The following MUC5AC variants were observed in gnomAD, a reference collection of about 807,000 sequenced individuals.
MUC5AC encodes the protein mucin 5AC, oligomeric mucus/gel-forming.
Under a neutral mutation model 169.7 loss-of-function variants are expected in MUC5AC, and 158 were observed. That is an observed-to-expected ratio of 0.93 (90% CI 0.82 to 1.06). MUC5AC has a LOEUF of 1.06. Among genes scored for constraint, MUC5AC ranks in the 50% least tolerant of loss-of-function variants. MUC5AC has a pLI of 0.00. For missense variants in MUC5AC, 4,359 were observed against 3,089.9 expected (o/e 1.41, Z -9.74); for synonymous variants, 1,975 against 1,237.0 (o/e 1.60, Z -12.52).
Position 1,176,193 on chromosome 11 carries a change from C to A in MUC5AC, c.2444C>A (p.Thr815Lys). 7.5e-6 allele frequency: 3 copies of A among 398,700 alleles called. No individual in the cohort carries two copies. Among genetic ancestry groups the A allele is most frequent in the Admixed American group, 4.4e-5 (1 of 22,740 alleles). 24.7% of individuals were successfully genotyped at this position (398,700 alleles called of 1,614,324 possible). The change falls in exon 20 of 49, where the codon ACG becomes AAG. Residue 815 changes from threonine (T) to lysine (K), a missense_variant. Transcript: ENST00000621226. ...GTGTTCTTTGACTGCCGAAATGCCA[C>A]GCCCGGGGACACAGGGGCTGGCTGT... ...PMVFFDCRNA[T>K]PGDTGAGCQK...
intron 33 of MUC5AC, 45 bp downstream of exon 33, chr11:1,193,704 C>T: frequency 2.7e-6 from 2 of 752,094 alleles, no homozygotes; most frequent in South Asian, 2.7e-5. Flanking sequence ...GGGGCAGCCA[C>T]TCCCCACCCA....
At position 1,189,426 on chromosome 11, in the gene MUC5AC, A is replaced by G. The variant is rs1822276347; in HGVS notation, c.11281A>G (p.Thr3761Ala). The G allele has an allele frequency of 3.5e-6, 2 of 569,462 alleles. No homozygotes were observed. Among genetic ancestry groups the G allele is most frequent in the Non-Finnish European group, 6.2e-6 (2 of 322,344 alleles). The allele number at this position is 569,462 out of a possible 1,614,324, so 35.3% of individuals were successfully genotyped here. ...AACCTCTGCTCCCACAGCCAGCACA[A>G]CGTCAGCTCCTACGAGCACTTCCTC... ...STTSAPTAST[T>A]SAPTSTSSAP... Residue 3761 changes from threonine to alanine, a missense_variant, in exon 31 of 49, where the codon ACG (threonine) becomes GCG (alanine). By Grantham distance (58) the Thr-to-Ala change is moderately conservative. Transcript: ENST00000621226.
At chr11:1,172,392 GA>G in intron 15 of MUC5AC, 36 bp from the exon 16 acceptor site, 2 of 398,688 alleles carry the variant, frequency 5.0e-6, no homozygotes, top group East Asian at 7.1e-5. Context: ...TGTGCTGCCT[GA>G]TCTTAATCCT....
chr11:1,163,960 C>A lies in MUC5AC; in HGVS notation c.758C>A (p.Pro253His). 1 of 1,611,272 alleles carries A rather than the reference C, an allele frequency of 6.2e-7. No homozygotes were observed. Among genetic ancestry groups the A allele is most frequent in the Admixed American group, 1.7e-5 (1 of 59,832 alleles). The change falls in exon 7 of 49, where the codon CCT (proline) becomes CAT (histidine). Residue 253 changes from proline to histidine, a missense_variant. Coordinates refer to ENST00000621226, the MANE Select transcript of MUC5AC (RefSeq NM_001304359.2). ...ACGGACCAGTGTCAGGACCCTGTCCCTGAACCCCCGAGGAACTGCTCCACT... is the reference window on the plus strand; with the variant it reads ...ACGGACCAGTGTCAGGACCCTGTCCATGAACCCCCGAGGAACTGCTCCACT... The part of the protein sequence containing the change: ...DPTDQCQDPV[P>H]EPPRNCSTGF...
intron 37 of MUC5AC, 120 bp from the exon 38 acceptor site, chr11:1,196,268 C>G: frequency 1.5e-6 from 1 of 689,312 alleles, no homozygotes; most frequent in Non-Finnish European, 2.6e-6. Context: ...AGGCCGTAGC[C>G]AGGCCCAGGC....
rs779111697 is a variant in MUC5AC at position 1,161,596 on chromosome 11, G to C, written c.211+10G>C. 5.6e-6 allele frequency: 9 copies of C among 1,607,456 alleles called. No homozygotes were observed. Among genetic ancestry groups the C allele is most frequent in the Non-Finnish European group, 7.6e-6 (9 of 1,176,706 alleles). ...ATCCCTGTGGTACGAGGTGAGTGGAGCCCGGAGGCCTGGGTGGGGAAGGGT... is the reference window on the plus strand; with the variant it reads ...ATCCCTGTGGTACGAGGTGAGTGGACCCCGGAGGCCTGGGTGGGGAAGGGT... On this transcript the variant is annotated intron_variant, in intron 3 of 48. Transcript: ENST00000621226.
Position 1,186,335 on chromosome 11 carries a change from C to G in MUC5AC, c.8190C>G (p.Thr2730=). ...CCAGCACAATCTCGGCCCCAACAAC[C>G]AGCACAACCTCTGCCACTACAACCA... ...PTTSTISAPT[T]STTSATTTST... is the part of the protein sequence containing the mutation. The change falls in exon 31 of 49, where the codon ACC becomes ACG. Residue 2730 remains threonine (T), a synonymous_variant. Transcript: ENST00000621226. 1 of 721,544 alleles carries G rather than the reference C, an allele frequency of 1.4e-6. No individual in the cohort carries two copies. Among genetic ancestry groups the G allele is most frequent in the Non-Finnish European group, 2.5e-6 (1 of 396,044 alleles). The allele number at this position is 721,544 out of a possible 1,614,324, so 44.7% of individuals were successfully genotyped here. A position where few individuals can be genotyped will look rare whatever the true frequency, so the allele number is the denominator to read the frequency against.
chr11:1,192,789 C>G lies in MUC5AC; in HGVS notation c.14387C>G (p.Thr4796Ser), dbSNP rs1356880934. The change falls in exon 32 of 49, where the codon ACC (threonine) becomes AGC (serine). Residue 4796 changes from threonine to serine, a missense_variant. Thr to Ser is a moderately conservative substitution (Grantham distance 58, BLOSUM62 1). Coordinates refer to ENST00000621226, the MANE Select transcript of MUC5AC (RefSeq NM_001304359.2). ...VADRLYPAGS[T>S]IYRHRDLAGH... Reference sequence around the variant, plus strand: ...ATGTCCCTTCCTCTTACAGGATCCACCATATACCGCCACAGAGACCTCGCT... The same window carrying G: ...ATGTCCCTTCCTCTTACAGGATCCAGCATATACCGCCACAGAGACCTCGCT... 1.3e-6 allele frequency: 1 copy of G among 759,218 alleles called. No homozygotes were observed. The highest frequency in any genetic ancestry group is 2.4e-6 in the Non-Finnish European group (1 of 413,350). The allele number at this position is 759,218 out of a possible 1,614,324, so 47.0% of individuals were successfully genotyped here.
chr11:1,162,887 C>G, intron 5 of MUC5AC, 68 bp from the exon 6 acceptor site: 1 of 1,480,938 alleles, frequency 6.8e-7, no homozygotes, highest in Non-Finnish European at 9.4e-7. Context: ...TCGGAAATCT[C>G]AGGCTCGAGC....
chr11:1,168,942 T>C lies in MUC5AC; in HGVS notation c.1786T>C (p.Phe596Leu). ...GGTGGTGGAGGCCACCGCTGCGGCC[T>C]TCTTCAACACCTTCAAGACCCAGGC... ...SGVVEATAAA[F>L]FNTFKTQAAC... Residue 596 changes from phenylalanine to leucine, a missense_variant, in exon 15 of 49, where the codon TTC (phenylalanine) becomes CTC (leucine). Phe to Leu is a conservative substitution (Grantham distance 22). Coordinates refer to ENST00000621226, the MANE Select transcript of MUC5AC (RefSeq NM_001304359.2). 6.2e-7 allele frequency: 1 copy of C among 1,611,668 alleles called. No individual in the cohort carries two copies. The highest frequency in any genetic ancestry group is 1.1e-5 in the South Asian group (1 of 90,962).
chr11:1,162,572 C>T lies in MUC5AC; in HGVS notation c.514C>T (p.Gln172Ter). 6.2e-7 allele frequency: 1 copy of T among 1,612,726 alleles called. No homozygotes were observed. Among genetic ancestry groups the T allele is most frequent in the Non-Finnish European group, 8.5e-7 (1 of 1,179,864 alleles). ...PFSQSGVLIQ[Q>*]SSSYTKVEAR... ...CAGCCAGTCTGGGGTCCTCATTCAG[C>T]AGAGCAGCAGCTACACCAAGGTGGA... Residue 172 changes from glutamine (Q) to a stop codon, truncating the protein, a stop_gained, in exon 5 of 49, where the codon CAG (glutamine) becomes TAG (stop). Coordinates refer to ENST00000621226, the MANE Select transcript of MUC5AC (RefSeq NM_001304359.2). LOFTEE classifies it high-confidence loss of function.
chr11:1,174,621 C>A lies in MUC5AC; in HGVS notation c.2091C>A (p.Cys697Ter). Residue 697 changes from cysteine to a stop codon, truncating the protein, a stop_gained and splice_region_variant, in exon 17 of 49, where the codon TGC becomes TGA. Transcript: ENST00000621226. LOFTEE classifies it high-confidence loss of function. ...VQLGGWRDGVCTKPMTTCPKS... is the reference protein window; with the variant it reads ...VQLGGWRDGV Reference sequence around the variant, plus strand: ...TCGGCGGCTGGAGGGACGGCGTCTGCAGTGAGTGCCTGCCAAGCCCAGCCC... The same window carrying A: ...TCGGCGGCTGGAGGGACGGCGTCTGAAGTGAGTGCCTGCCAAGCCCAGCCC... The A allele has an allele frequency of 8.5e-7, 1 of 1,174,336 alleles. No homozygotes were observed. Among genetic ancestry groups the A allele is most frequent in the South Asian group, 1.4e-5 (1 of 73,018 alleles). The allele number at this position is 1,174,336 out of a possible 1,614,324, so 72.7% of individuals were successfully genotyped here.
In MUC5AC at chr11:1,200,771, C is replaced by G. The variant is rs1247427901; in HGVS notation, c.*69C>G. On this transcript the variant is annotated 3_prime_UTR_variant, in exon 49 of 49. Transcript: ENST00000621226. The stretch of plus-strand genomic sequence containing the variant: ...TGTCCTCTGAGCTCGGCTTCCAAGG[C>G]CAGTGGAACTTGTGCCCCTGTCCAG... The G allele has an allele frequency of 1.5e-6, 1 of 666,496 alleles. No homozygotes were observed. The highest frequency in any genetic ancestry group is 2.7e-6 in the Non-Finnish European group (1 of 368,084). The allele number at this position is 666,496 out of a possible 1,614,324, so 41.3% of individuals were successfully genotyped here. A position where few individuals can be genotyped will look rare whatever the true frequency, so the allele number is the denominator to read the frequency against.
chr11:1,174,449 G>A (rs1343536940), intron 16 of MUC5AC, 47 bp from the exon 17 acceptor site: 2 of 1,211,154 alleles, frequency 1.7e-6, no homozygotes, highest in African/African-American at 1.5e-5. Context: ...GGGGCCACCA[G>A]GTGTGGGCTG....
rs1860883474 is a variant in MUC5AC, at chr11:1,184,470, A to G, written c.6325A>G (p.Thr2109Ala). 6 of 633,366 alleles carry G rather than the reference A, an allele frequency of 9.5e-6. No individual in the cohort carries two copies. In the Admixed American group the frequency reaches 9.8e-5, roughly 10 times the overall value. 39.2% of individuals were successfully genotyped at this position (633,366 alleles called of 1,614,324 possible). ...AACCAGCGTCACACAGGGCACCCAC[A>G]CCACACCAGTCACCAGAAACTGTCA... ...TATSVTQGTH[T>A]TPVTRNCHPR... The change falls in exon 31 of 49, where the codon ACC (threonine) becomes GCC (alanine). Residue 2109 changes from threonine (T) to alanine (A), a missense_variant. Transcript: ENST00000621226.
chr11:1,190,965 A>G lies in MUC5AC; in HGVS notation c.12820A>G (p.Thr4274Ala), dbSNP rs1861077457. ...STTSAATTSTTSAPTTRTTSA... is the reference protein window; with the variant it reads ...STTSAATTSTASAPTTRTTSA... ...AACCTCTGCTGCTACAACCAGCACA[A>G]CCTCTGCTCCTACAACCAGAACAAC... is the stretch of plus-strand genomic sequence containing the variant. Residue 4274 changes from threonine (T) to alanine (A), a missense_variant, in exon 31 of 49, where the codon ACC (threonine) becomes GCC (alanine). Thr to Ala is a moderately conservative substitution (Grantham distance 58). Coordinates refer to ENST00000621226, the MANE Select transcript of MUC5AC (RefSeq NM_001304359.2). 5.4e-6 allele frequency: 4 copies of G among 741,772 alleles called. No individual in the cohort carries two copies. Among genetic ancestry groups the G allele is most frequent in the Middle Eastern group, 2.3e-4 (1 of 4,408 alleles). 45.9% of individuals were successfully genotyped at this position (741,772 alleles called of 1,614,324 possible).
rs1011969933 is a variant in MUC5AC at position 1,197,638 on chromosome 11, C to T, written c.16032C>T (p.Cys5344=). ...QAGQCCPQYS[C]ACNTSRCPAP... ...GCCAGTGCTGCCCCCAGTACAGCTG[C>T]GGTAAGCCCTTTGCTGGGTGAGGGG... is the stretch of plus-strand genomic sequence containing the variant. Residue 5344 remains cysteine (C), a splice_region_variant and synonymous_variant, in exon 41 of 49, where the codon TGC becomes TGT. Transcript: ENST00000621226. The T allele has an allele frequency of 8.5e-6, 6 of 707,320 alleles. No individual in the cohort carries two copies. Among genetic ancestry groups the T allele is most frequent in the South Asian group, 2.9e-5 (2 of 67,972 alleles). 43.8% of individuals were successfully genotyped at this position (707,320 alleles called of 1,614,324 possible).
At chr11:1,199,266 C>A (rs528824276) in intron 45 of MUC5AC, 81 bp downstream of exon 45, 2 of 702,732 alleles carry the variant, frequency 2.8e-6, no homozygotes, top group Non-Finnish European at 5.2e-6. Flanking sequence ...GCCAGGCATG[C>A]GTCTGGCAGA....
At chr11:1,170,499 A>G in intron 15 of MUC5AC, among the ~76,000 whole-genome samples, 1 of 129,298 alleles carries the variant, frequency 7.7e-6, no homozygotes, top group Non-Finnish European at 1.6e-5. Flanking sequence ...TCACTCACCC[A>G]CTCACCGACT....
Sources: allele counts gnomAD v4.1 joint callset (sites outside exome capture counted in the v4.1 genomes callset), GRCh38; gene constraint gnomAD v4.1.1; transcripts MANE v1.5; gene names NCBI Gene and HGNC (gene_info 2026-07-23, HGNC 2026-07-21).